The following ACSL1 variants were observed in gnomAD, a reference collection of about 807,000 sequenced individuals.
ACSL1 encodes the protein long-chain-fatty-acid--CoA ligase 1.
A neutral mutation model predicts 98.4 loss-of-function variants in ACSL1; 41 were observed. That is an observed-to-expected ratio of 0.42 (90% confidence interval 0.32 to 0.54). The LOEUF is 0.54. Among genes scored for constraint, ACSL1 ranks in the 20% least tolerant of loss-of-function variants. The probability of loss-of-function intolerance (pLI) is 0.13; values close to 1 mark genes in which losing one functional copy is unlikely to be tolerated. For synonymous variants in ACSL1, 316 were observed against 322.7 expected, an observed-to-expected ratio of 0.98 and a Z score of 0.22; for missense variants, 734 against 883.1, an observed-to-expected ratio of 0.83 and a Z score of 2.14.
intron 1 of ACSL1, among the ~76,000 whole-genome samples, chr4:184,817,451 CTAAT>C (rs1772727184): frequency 6.6e-6 from 1 of 152,166 alleles, no homozygotes; most frequent in African/African-American, 2.4e-5. Context: ...ATTCTACAAT[CTAAT>C]GGATGGTCTA....
At chr4:184,760,254 C>T in intron 18 of ACSL1, 103 bp downstream of exon 18, 1 of 1,340,572 alleles carries the variant, frequency 7.5e-7, no homozygotes, top group Non-Finnish European at 1.0e-6. Flanking sequence ...ACATGAAAGC[C>T]AAGTGATAGG....
At chr4:184,820,788 A>G (rs913257992) in intron 1 of ACSL1, among the ~76,000 whole-genome samples, 1 of 152,034 alleles carries the variant, frequency 6.6e-6, no homozygotes, top group African/African-American at 2.4e-5. Context: ...TATTTTTAGT[A>G]GAGACGGGGT....
intron 5 of ACSL1, among the ~76,000 whole-genome samples, chr4:184,779,877 T>C (rs1297333443): frequency 6.6e-6 from 1 of 150,768 alleles, no homozygotes; most frequent in Non-Finnish European, 1.5e-5. Flanking sequence ...TTCCTTTCTT[T>C]TTTTTTTTTT....
Position 184,766,738 on chromosome 4 carries a change from T to C in ACSL1, c.1147A>G (p.Thr383Ala). 2 of 1,612,438 alleles carry C rather than the reference T, an allele frequency of 1.2e-6. No homozygotes were observed. Among genetic ancestry groups the C allele is most frequent in the Middle Eastern group, 3.3e-4 (2 of 6,038 alleles). Residue 383 changes from threonine (T) to alanine (A), a missense_variant, in exon 13 of 21, where the codon ACC (threonine) becomes GCC (alanine). By Grantham distance (58) the Thr-to-Ala change is moderately conservative. Coordinates refer to ENST00000281455, the MANE Select transcript of ACSL1 (RefSeq NM_001995.5). The surrounding 1 kb of genome is among the most constrained non-coding windows in gnomAD (Gnocchi z 4.8). ...TCCAAGAGCCATCGCTTCAGCGTGG[T>C]GTTTGCTTGTCCGAAAATCTAATGA... is the stretch of plus-strand genomic sequence containing the variant. ...MFDRIFGQAN[T>A]TLKRWLLDFA... is the part of the protein sequence containing the mutation.
In ACSL1 at chr4:184,825,804, G is replaced by C. The variant is rs1344930237; in HGVS notation, c.-33+112C>G. 1.3e-5 allele frequency: 2 copies of C among 149,516 alleles called. No homozygotes were observed. Among genetic ancestry groups the C allele is most frequent in the East Asian group, 3.9e-4 (2 of 5,144 alleles). 9.3% of individuals were successfully genotyped at this position (149,516 alleles called of 1,614,324 possible). A position where few individuals can be genotyped will look rare whatever the true frequency, so the allele number is the denominator to read the frequency against. On this transcript the variant is annotated intron_variant, in intron 1 of 20. Coordinates refer to ENST00000281455, the MANE Select transcript of ACSL1 (RefSeq NM_001995.5). The surrounding 1 kb of genome is among the most constrained non-coding windows in gnomAD (Gnocchi z 4.7). The stretch of plus-strand genomic sequence containing the variant: ...CCTGGGGTGGCTCACGCGCCTCCGC[G>C]GCGGCCGCTGCTCCGGGCTCGGCCC...
In ACSL1 at chr4:184,766,777, A is replaced by G. The variant is rs1763672973; in HGVS notation, c.1129-21T>C. On this transcript the variant is annotated intron_variant, in intron 12 of 20. Coordinates refer to ENST00000281455, the MANE Select transcript of ACSL1 (RefSeq NM_001995.5). This position sits in a 1 kb window ranked among gnomAD's most constrained non-coding sequence, Gnocchi z 4.8. ...AAAATCTAATGAGGCAAGACATGAG[A>G]AAGTTTTCACACCTACTAGGATGGC... is the stretch of plus-strand genomic sequence containing the variant. 1 of 1,604,998 alleles carries G rather than the reference A, an allele frequency of 6.2e-7. No homozygotes were observed. Among genetic ancestry groups the G allele is most frequent in the Non-Finnish European group, 8.5e-7 (1 of 1,172,850 alleles).
chr4:184,796,474 C>T (rs57676210), intron 2 of ACSL1, among the ~76,000 whole-genome samples: 15,358 of 152,222 alleles, frequency 0.1, 939 homozygotes, highest in Non-Finnish European at 0.14. Context: ...CTGAGCACAA[C>T]GTCAGCAAAG....
At chr4:184,764,707 G>GTTTGA in intron 15 of ACSL1, 146 bp downstream of exon 15, 1 of 690,212 alleles carries the variant, frequency 1.4e-6, no homozygotes, top group Non-Finnish European at 2.4e-6. Flanking sequence ...TTACAAGAGT[G>GTTTGA]TTTGCCCCCA....
intron 2 of ACSL1, among the ~76,000 whole-genome samples, chr4:184,790,477 T>C (rs1487400649): frequency 2.0e-5 from 3 of 152,230 alleles, no homozygotes; most frequent in African/African-American, 4.8e-5. Flanking sequence ...GGAGTAAATA[T>C]GACCTAACCA....
chr4:184,812,194 T>TTCC, intron 1 of ACSL1: 1 of 985,414 alleles, frequency 1.0e-6, no homozygotes, highest in Non-Finnish European at 1.2e-6. Context: ...TAGATGCTTC[T>TTCC]TCCTCTCCCC....
In ACSL1 at chr4:184,766,615, G is replaced by T. The variant is rs142792812; in HGVS notation, c.1263+7C>A. 1 of 1,612,890 alleles carries T rather than the reference G, an allele frequency of 6.2e-7. No homozygotes were observed. The highest frequency in any genetic ancestry group is 8.5e-7 in the Non-Finnish European group (1 of 1,179,074). Reference sequence around the variant, plus strand: ...CATGGGAGCAGTGGCTGTGAGTCACGTGTTACCTGTACTTTGTGGAAGATC... The same window carrying T: ...CATGGGAGCAGTGGCTGTGAGTCACTTGTTACCTGTACTTTGTGGAAGATC... On this transcript the variant is annotated splice_region_variant and intron_variant, in intron 13 of 20. Transcript: ENST00000281455. The surrounding 1 kb of genome is among the most constrained non-coding windows in gnomAD (Gnocchi z 4.8).
chr4:184,768,771 T>C (rs1764019345), intron 11 of ACSL1, among the ~76,000 whole-genome samples: 1 of 152,122 alleles, frequency 6.6e-6, no homozygotes, highest in African/African-American at 2.4e-5. Flanking sequence ...GTATTACATA[T>C]TCTAAATATT....
chr4:184,771,143 T>C (rs1033494705), intron 10 of ACSL1, among the ~76,000 whole-genome samples: 42 of 152,132 alleles, frequency 2.8e-4, no homozygotes, highest in African/African-American at 9.4e-4. Flanking sequence ...AGCAATACTT[T>C]AATTATTCAA....
In ACSL1 at chr4:184,755,869, C is replaced by A. The variant is rs1762080103; in HGVS notation, c.*1256G>T. ...CCCCAAAACAGCTGCTTTAAATGTACAAATGACAGCTCAATTCAGTCAAAT... is the reference window on the plus strand; with the variant it reads ...CCCCAAAACAGCTGCTTTAAATGTAAAAATGACAGCTCAATTCAGTCAAAT... On this transcript the variant is annotated 3_prime_UTR_variant, in exon 21 of 21. Coordinates refer to ENST00000281455, the MANE Select transcript of ACSL1 (RefSeq NM_001995.5). The A allele has an allele frequency of 6.6e-6, 1 of 152,626 alleles. No individual in the cohort carries two copies. Among genetic ancestry groups the A allele is most frequent in the Admixed American group, 6.5e-5 (1 of 15,284 alleles). 9.5% of individuals were successfully genotyped at this position (152,626 alleles called of 1,614,324 possible).
At chr4:184,799,982 T>C (rs1278859658) in intron 2 of ACSL1, among the ~76,000 whole-genome samples, 1 of 152,200 alleles carries the variant, frequency 6.6e-6, no homozygotes, top group Non-Finnish European at 1.5e-5. Flanking sequence ...CTAGTTATAA[T>C]ATACAACTTT....
chr4:184,788,420 GC>G, intron 3 of ACSL1, 196 bp downstream of exon 3: 2 of 675,012 alleles, frequency 3.0e-6, no homozygotes, highest in Non-Finnish European at 5.4e-6. Flanking sequence ...TGACCATGGA[GC>G]CCCCAGGGCC....
intron 5 of ACSL1, among the ~76,000 whole-genome samples, chr4:184,778,194 G>A (rs1038070857): frequency 1.3e-5 from 2 of 152,104 alleles, no homozygotes; most frequent in African/African-American, 2.4e-5. Flanking sequence ...CCATACCCAG[G>A]GGTACCCCAC....
intron 1 of ACSL1, among the ~76,000 whole-genome samples, chr4:184,817,351 G>C (rs778597673): frequency 6.6e-6 from 1 of 152,208 alleles, no homozygotes; most frequent in East Asian, 1.9e-4. Flanking sequence ...CCATATACAA[G>C]TATTTTCTGA....
Position 184,755,668 on chromosome 4 carries a change from A to G in ACSL1, c.*1457T>C, listed in dbSNP as rs917587026. The G allele has an allele frequency of 6.5e-6, 1 of 152,704 alleles. No homozygotes were observed. The highest frequency in any genetic ancestry group is 2.4e-5 in the African/African-American group (1 of 41,468). The allele number at this position is 152,704 out of a possible 1,614,324, so 9.5% of individuals were successfully genotyped here. A position where few individuals can be genotyped will look rare whatever the true frequency, so the allele number is the denominator to read the frequency against. Reference sequence around the variant, plus strand: ...GAAATTTTGTTTTGGTTTATAAAACATAGAAATAGCCAACACTTAAAGCAA... The same window carrying G: ...GAAATTTTGTTTTGGTTTATAAAACGTAGAAATAGCCAACACTTAAAGCAA... On this transcript the variant is annotated 3_prime_UTR_variant, in exon 21 of 21. Coordinates refer to ENST00000281455, the MANE Select transcript of ACSL1 (RefSeq NM_001995.5).
Sources: gnomAD v4.1 joint callset for allele counts (sites outside exome capture counted in the v4.1 genomes callset) on GRCh38, gnomAD v4.1.1 for gene constraint, Gnocchi (gnomAD v3.1) non-coding constraint, MANE v1.5 for transcripts, NCBI Gene and HGNC (gene_info 2026-07-23, HGNC 2026-07-21) for gene names.